Variants in INPP4B observed in about 807,000 individuals in gnomAD.
The protein encoded by INPP4B is inositol polyphosphate 4-phosphatase type II.
INPP4B carries 55 observed loss-of-function variants against 122.5 expected under a neutral mutation model. That is an observed-to-expected ratio of 0.45 (90% confidence interval 0.36 to 0.56). INPP4B has a LOEUF of 0.56. INPP4B is among the 20% of genes least tolerant of loss of function. The pLI is 0.00. For synonymous variants in INPP4B, 403 were observed against 388.7 expected (o/e 1.04, Z -0.43); for missense variants, 1,000 against 1,097.7 (o/e 0.91, Z 1.26).
intron 18 of INPP4B, among the ~76,000 whole-genome samples, chr4:142,141,266 T>C (rs1280447557): frequency 3.3e-5 from 5 of 152,188 alleles, no homozygotes; most frequent in Non-Finnish European, 7.4e-5. Context: ...ATGTGCCTCA[T>C]AGGCTAGTTG....
intron 12 of INPP4B, among the ~76,000 whole-genome samples, chr4:142,215,286 A>G (rs1315239058): frequency 6.6e-6 from 1 of 152,184 alleles, no homozygotes; most frequent in Non-Finnish European, 1.5e-5. Flanking sequence ...CTGCACAACA[A>G]AGAAACACAA....
At chr4:142,224,595 A>C (rs1850723577) in intron 12 of INPP4B, among the ~76,000 whole-genome samples, 1 of 152,172 alleles carries the variant, frequency 6.6e-6, no homozygotes, top group Admixed American at 6.5e-5. Context: ...TGCAGCAACT[A>C]GGATTTCAAA....
intron 25 of INPP4B, among the ~76,000 whole-genome samples, chr4:142,065,234 A>AACACACAC (rs36228246): frequency 1.3e-5 from 2 of 149,644 alleles, no homozygotes; most frequent in Admixed American, 1.3e-4. Flanking sequence ...GAATGAGGCC[A>AACACACAC]ACACACACAC....
rs1174856404 is a variant in INPP4B, at chr4:142,089,474, CACACACAG to C, written c.2375-3226_2375-3219del. On this transcript the variant is annotated intron_variant, in intron 23 of 25. Transcript: ENST00000262992. ...ACACACACACACACACACACACACACACACACAGAGAGAGAGAGAGAGAAAGTGATAAA... is the reference window on the plus strand; with the variant it reads ...ACACACACACACACACACACACACACAGAGAGAGAGAGAGAAAGTGATAAA... Among the ~76,000 whole-genome samples, 50 of 117,484 alleles carry C rather than the reference CACACACAG, an allele frequency of 4.3e-4. 1 individual carries two copies. Among genetic ancestry groups the C allele is most frequent in the East Asian group, 1.3e-3 (5 of 3,960 alleles). 77.1% of individuals were successfully genotyped at this position (117,484 alleles called of 152,430 possible). A position where few individuals can be genotyped will look rare whatever the true frequency, so the allele number is the denominator to read the frequency against.
intron 4 of INPP4B, among the ~76,000 whole-genome samples, chr4:142,429,917 T>C (rs1467350571): frequency 6.6e-6 from 1 of 152,080 alleles, no homozygotes; most frequent in African/African-American, 2.4e-5. Flanking sequence ...CCACACACAG[T>C]GTAGCAGCTT....
At chr4:142,314,034 C>T (rs1766536093) in intron 8 of INPP4B, among the ~76,000 whole-genome samples, 1 of 152,184 alleles carries the variant, frequency 6.6e-6, no homozygotes, top group South Asian at 2.1e-4. Context: ...TTCCAGTTGG[C>T]TCAGCCCCAG....
intron 12 of INPP4B, among the ~76,000 whole-genome samples, chr4:142,227,431 C>T (rs1323828974): frequency 6.6e-6 from 1 of 151,376 alleles, no homozygotes; most frequent in Non-Finnish European, 1.5e-5. Context: ...TAACTTCTGA[C>T]AGTATAAATA....
At chr4:142,046,763 G>A (rs1306396095) in intron 25 of INPP4B, among the ~76,000 whole-genome samples, 1 of 151,966 alleles carries the variant, frequency 6.6e-6, no homozygotes, top group African/African-American at 2.4e-5. Flanking sequence ...GTGGAAAGTA[G>A]ATTGGAAGAT....
intron 16 of INPP4B, among the ~76,000 whole-genome samples, chr4:142,167,876 G>A (rs1469485865): frequency 6.6e-6 from 1 of 151,214 alleles, no homozygotes; most frequent in Non-Finnish European, 1.5e-5. Flanking sequence ...TTTCCTTTAT[G>A]ATTTGTTGTA....
intron 2 of INPP4B, among the ~76,000 whole-genome samples, chr4:142,466,571 T>C (rs1204208686): frequency 1.3e-5 from 2 of 152,190 alleles, no homozygotes; most frequent in Non-Finnish European, 2.9e-5. Context: ...AGCCTGACCA[T>C]GTGGCAGAGG....
chr4:142,584,679 C>G (rs184524929), intron 2 of INPP4B, among the ~76,000 whole-genome samples: 11 of 152,140 alleles, frequency 7.2e-5, no homozygotes, highest in Admixed American at 6.5e-4. Flanking sequence ...ACCTTAATCA[C>G]CTGGATAAGG....
chr4:142,386,126 C>T (rs571414812), intron 7 of INPP4B, among the ~76,000 whole-genome samples: 136 of 152,124 alleles, frequency 8.9e-4, no homozygotes, highest in Middle Eastern at 6.8e-3. Context: ...TAAGTGAGAC[C>T]ATGCAGATGT....
intron 1 of INPP4B, among the ~76,000 whole-genome samples, chr4:142,750,675 GCATAAA>G (rs1425064911): frequency 6.6e-6 from 1 of 152,104 alleles, no homozygotes; most frequent in Admixed American, 6.6e-5. Flanking sequence ...TGCTGGTGCA[GCATAAA>G]CACAGAGGAA....
At chr4:142,745,455 A>C (rs771252723) in intron 1 of INPP4B, among the ~76,000 whole-genome samples, 1 of 151,888 alleles carries the variant, frequency 6.6e-6, no homozygotes, top group Non-Finnish European at 1.5e-5. Flanking sequence ...AAATCGCCTG[A>C]CCATTCACAT....
chr4:142,820,067 C>T (rs112380247), intron 1 of INPP4B, among the ~76,000 whole-genome samples: 237 of 152,198 alleles, frequency 1.6e-3, no homozygotes, highest in Middle Eastern at 6.8e-3. Context: ...TCCTGAAAGT[C>T]CAACATAAAA....
At chr4:142,408,567 A>G (rs550243834) in intron 5 of INPP4B, among the ~76,000 whole-genome samples, 49 of 152,140 alleles carry the variant, frequency 3.2e-4, no homozygotes, top group Non-Finnish European at 6.8e-4. Flanking sequence ...ATAAATAAAA[A>G]GTTATATCTG....
intron 12 of INPP4B, among the ~76,000 whole-genome samples, chr4:142,209,593 G>A (rs1844012074): frequency 6.6e-6 from 1 of 151,912 alleles, no homozygotes; most frequent in African/African-American, 2.4e-5. Context: ...AGGAGTTCAA[G>A]ACCAGCCTGG....
chr4:142,290,450 C>A (rs543189180), intron 9 of INPP4B, among the ~76,000 whole-genome samples: 4 of 152,002 alleles, frequency 2.6e-5, no homozygotes, highest in Admixed American at 6.6e-5. Flanking sequence ...TGGTGATCGA[C>A]CTGCCTCGGC....
chr4:142,723,260 G>A (rs140464313), intron 2 of INPP4B, among the ~76,000 whole-genome samples: 147 of 152,106 alleles, frequency 9.7e-4, no homozygotes, highest in African/African-American at 3.3e-3. Flanking sequence ...CAATATATGT[G>A]AGAATAAAAT....
Sources: gnomAD v4.1 joint callset for allele counts (sites outside exome capture counted in the v4.1 genomes callset) on GRCh38, gnomAD v4.1.1 for gene constraint, MANE v1.5 for transcripts, NCBI Gene and HGNC (gene_info 2026-07-23, HGNC 2026-07-21) for gene names.